ZNF394: variants seen among roughly 807,000 people sequenced by gnomAD.
ZNF394 encodes zinc finger protein 99.
Under a neutral mutation model 21.8 loss-of-function variants are expected in ZNF394, and 19 were observed. The observed-to-expected ratio is 0.87, with a 90% CI of 0.61 to 1.28. ZNF394 has a LOEUF of 1.28. ZNF394 is among the 50% of genes most tolerant of loss of function. The probability of loss-of-function intolerance (pLI) is 0.00; values close to 1 mark genes in which losing one functional copy is unlikely to be tolerated. For missense variants in ZNF394, 683 were observed against 708.6 expected, an observed-to-expected ratio of 0.96 and a Z score of 0.41; for synonymous variants, 294 against 273.3, an observed-to-expected ratio of 1.08 and a Z score of -0.75.
At position 99,498,698 on chromosome 7, in the gene ZNF394, C is replaced by G. The variant is rs370629425; in HGVS notation, c.583+18G>C. ...CAAACCACACACCGCAATAAACCAGCAGAGCAACAGCACTCACTCGGCGGA... is the reference window on the plus strand; with the variant it reads ...CAAACCACACACCGCAATAAACCAGGAGAGCAACAGCACTCACTCGGCGGA... On this transcript the variant is annotated intron_variant, in intron 2 of 2. Coordinates refer to ENST00000337673, the MANE Select transcript of ZNF394 (RefSeq NM_032164.4). The G allele has an allele frequency of 1.3e-5, 21 of 1,613,608 alleles. No homozygotes were observed. The highest frequency in any genetic ancestry group is 1.8e-5 in the Non-Finnish European group (21 of 1,179,806).
At position 99,493,833 on chromosome 7, in the gene ZNF394, C is replaced by A. The variant is rs770839119; in HGVS notation, c.1382G>T (p.Arg461Ile). 3 of 1,613,944 alleles carry A rather than the reference C, an allele frequency of 1.9e-6. No homozygotes were observed. Among genetic ancestry groups the A allele is most frequent in the African/African-American group, 1.3e-5 (1 of 74,944 alleles). ...CHISNLFRHQRLHKGERPYKC... is the reference protein window; with the variant it reads ...CHISNLFRHQILHKGERPYKC... Reference sequence around the variant, plus strand: ...ATAGGGTCTTTCCCCTTTATGTAGTCTCTGATGTCTAAAAAGGTTGGAAAT... The same window carrying A: ...ATAGGGTCTTTCCCCTTTATGTAGTATCTGATGTCTAAAAAGGTTGGAAAT... Residue 461 changes from arginine (R) to isoleucine (I), a missense_variant, in exon 3 of 3, where the codon AGA (arginine) becomes ATA (isoleucine). By Grantham distance (97) the Arg-to-Ile change is moderately conservative. This residue lies in a region of ZNF394 where 274 missense variants were observed against 314.1 expected (regional missense o/e 0.87). Transcript: ENST00000337673.
intron 2 of ZNF394, chr7:99,498,425 C>G (rs1016571293): frequency 3.5e-6 from 1 of 289,296 alleles, no homozygotes; most frequent in Non-Finnish European, 6.7e-6. Context: ...CATACTATTT[C>G]CTTGGCAATA....
rs61737533 is a variant in ZNF394 at position 99,494,571 on chromosome 7, G to A, written c.644C>T (p.Ala215Val). The change falls in exon 3 of 3, where the codon GCG (alanine) becomes GTG (valine). Residue 215 changes from alanine (A) to valine (V), a missense_variant. Physicochemically the swap from Ala to Val is moderately conservative, Grantham distance 64. This residue lies in a region of ZNF394 where 402 missense variants were observed against 373.8 expected (regional missense o/e 1.08). Transcript: ENST00000337673. ...LIPMQQILEE[A>V]EPQGQLQEAF... Reference sequence around the variant, plus strand: ...TTCTTGTAGTTGCCCCTGTGGCTCCGCTTCTTCTAAAATTTGTTGCATTGG... The same window carrying A: ...TTCTTGTAGTTGCCCCTGTGGCTCCACTTCTTCTAAAATTTGTTGCATTGG... The A allele has an allele frequency of 1.1e-3, 1,821 of 1,604,726 alleles. 23 individuals carry two copies. The African/African-American group carries it at 0.02, about 18-fold the overall frequency.
chr7:99,497,122 G>GTGTGTATATA (rs1322382800), intron 2 of ZNF394, among the ~76,000 whole-genome samples: 36 of 79,424 alleles, frequency 4.5e-4, no homozygotes, highest in African/African-American at 1.8e-3. Context: ...GTGTGTGTGT[G>GTGTGTATATA]TATATATATA....
At chr7:99,497,112 G>GTATA (rs1189029640) in intron 2 of ZNF394, among the ~76,000 whole-genome samples, 33 of 117,354 alleles carry the variant, frequency 2.8e-4, no homozygotes, top group African/African-American at 1.4e-3. Flanking sequence ...GTGTGTGTGT[G>GTATA]TGTGTGTGTG....
chr7:99,488,711 C>G (rs1800088524), downstream of ZNF394, among the ~76,000 whole-genome samples: 1 of 151,250 alleles, frequency 6.6e-6, no homozygotes, highest in Non-Finnish European at 1.5e-5. Context: ...GGGTGGGTCA[C>G]AAGGTCAGGA....
At position 99,500,025 on chromosome 7, in the gene ZNF394, C is replaced by T. The variant is rs760498183; in HGVS notation, c.69G>A (p.Ala23=). The T allele has an allele frequency of 1.2e-5, 19 of 1,604,298 alleles. No individual in the cohort carries two copies. In the South Asian group the frequency reaches 2.0e-4, roughly 17 times the overall value. The change falls in exon 1 of 3, where the codon GCG becomes GCA. Residue 23 remains alanine, a synonymous_variant. Coordinates refer to ENST00000337673, the MANE Select transcript of ZNF394 (RefSeq NM_032164.4). Reference sequence around the variant, plus strand: ...GGGACGGCGCCGCGTCCTTGGACCTCGCAGCCATCACCCAGGGTCCCAACT... The same window carrying T: ...GGGACGGCGCCGCGTCCTTGGACCTTGCAGCCATCACCCAGGGTCCCAACT... ...DAELGPWVMA[A]RSKDAAPSQR...
At chr7:99,497,767 G>C (rs951400757) in intron 2 of ZNF394, 1 of 152,100 alleles carries the variant, frequency 6.6e-6, no homozygotes, top group African/African-American at 2.4e-5. Flanking sequence ...GGAGACAGAG[G>C]CAGGAGAATT....
intron 1 of ZNF394, 51 bp downstream of exon 1, chr7:99,499,587 A>C: frequency 6.7e-7 from 1 of 1,492,198 alleles, no homozygotes; most frequent in Non-Finnish European, 8.9e-7. Context: ...AGCACCCCTA[A>C]ACGCCTATTT....
rs1312398521 is a variant in ZNF394 at position 99,499,720 on chromosome 7, C to T, written c.374G>A (p.Arg125Gln). 1.2e-6 allele frequency: 2 copies of T among 1,613,876 alleles called. No homozygotes were observed. Among genetic ancestry groups the T allele is most frequent in the Admixed American group, 3.3e-5 (2 of 60,028 alleles). Residue 125 changes from arginine (R) to glutamine (Q), a missense_variant, in exon 1 of 3, where the codon CGA becomes CAA. Coordinates refer to ENST00000337673, the MANE Select transcript of ZNF394 (RefSeq NM_032164.4). ...CTCCCCGCTCTCTGGGCAGTGCTCTCGCACCCAGGCTTGAAGCTCCTCGGG... is the reference window on the plus strand; with the variant it reads ...CTCCCCGCTCTCTGGGCAGTGCTCTTGCACCCAGGCTTGAAGCTCCTCGGG... ...ILPEELQAWV[R>Q]EHCPESGEEA...
chr7:99,490,730 A>C (rs1393143074), downstream of ZNF394, among the ~76,000 whole-genome samples: 1 of 151,676 alleles, frequency 6.6e-6, no homozygotes, highest in Non-Finnish European at 1.5e-5. Flanking sequence ...CCTCATGTTT[A>C]AAGAAGGTAC....
intron 1 of ZNF394, chr7:99,487,345 A>C: frequency 6.2e-7 from 1 of 1,614,246 alleles, no homozygotes; most frequent in Non-Finnish European, 8.5e-7. Context: ...GAAAACGTTT[A>C]GTTTTAAGAG....
chr7:99,489,764 A>G (rs545718557), downstream of ZNF394, among the ~76,000 whole-genome samples: 22 of 152,312 alleles, frequency 1.4e-4, no homozygotes, highest in African/African-American at 5.1e-4. Context: ...AGCTGAGTGT[A>G]TTCTCCCTAG....
rs1488619672 is a variant in ZNF394 at position 99,493,808 on chromosome 7, A to T, written c.1407T>A (p.Tyr469Ter). The T allele has an allele frequency of 6.2e-7, 1 of 1,613,916 alleles. No individual in the cohort carries two copies. Among genetic ancestry groups the T allele is most frequent in the African/African-American group, 1.3e-5 (1 of 74,880 alleles). Residue 469 changes from tyrosine (Y) to a stop codon, truncating the protein, a stop_gained, in exon 3 of 3, where the codon TAT (tyrosine) becomes TAA (stop). Coordinates refer to ENST00000337673, the MANE Select transcript of ZNF394 (RefSeq NM_032164.4). LOFTEE classifies it low-confidence loss of function (END_TRUNC). ...HQRLHKGERP[Y>*]KCEECEKSFK... ...AGCTCTTCTCGCATTCTTCACACTT[A>T]TAGGGTCTTTCCCCTTTATGTAGTC...
chr7:99,492,863 G>C (rs1193894474), downstream of ZNF394, among the ~76,000 whole-genome samples: 2 of 151,794 alleles, frequency 1.3e-5, no homozygotes, highest in Non-Finnish European at 2.9e-5. Flanking sequence ...AAGGCAAGAG[G>C]ATCACTTGAG....
At chr7:99,498,920 C>T (rs1038168907) in intron 1 of ZNF394, 78 bp from the exon 2 acceptor site, 2 of 1,513,388 alleles carry the variant, frequency 1.3e-6, no homozygotes, top group African/African-American at 2.8e-5. Context: ...CTTGTACCGA[C>T]AAGGGAGTTT....
At chr7:99,489,194 G>T (rs1007797876), downstream of ZNF394, among the ~76,000 whole-genome samples, 1 of 149,438 alleles carries the variant, frequency 6.7e-6, no homozygotes, top group Non-Finnish European at 1.5e-5. Flanking sequence ...TGAGGCAGGA[G>T]AATCGCTTGA....
At chr7:99,498,519 T>G in intron 2 of ZNF394, 197 bp downstream of exon 2, 1 of 613,458 alleles carries the variant, frequency 1.6e-6, no homozygotes, top group Non-Finnish European at 2.7e-6. Flanking sequence ...TTTCTGTATG[T>G]ATAAAACATT....
At chr7:99,491,218 A>T (rs1447522084), downstream of ZNF394, among the ~76,000 whole-genome samples, 2 of 152,124 alleles carry the variant, frequency 1.3e-5, no homozygotes, top group Non-Finnish European at 2.9e-5. Context: ...CTTATGTTCT[A>T]TTTTATTCAC....
Sources: gnomAD v4.1 joint callset for allele counts (sites outside exome capture counted in the v4.1 genomes callset) on GRCh38, gnomAD v4.1.1 for gene constraint, gnomAD v4.1.1 regional missense constraint, MANE v1.5 for transcripts, NCBI Gene and HGNC (gene_info 2026-07-23, HGNC 2026-07-21) for gene names.